The following CCDC201 variants were observed in gnomAD, a reference collection of about 807,000 sequenced individuals.
CCDC201 encodes coiled-coil domain-containing protein 201.
chr7:45,882,112 G>A, the CCDC201 span, among the ~76,000 whole-genome samples: 3 of 152,154 alleles, frequency 2.0e-5, no homozygotes, highest in African/African-American at 7.2e-5. Flanking sequence ...CTGGATTGCA[G>A]CATTTCTTCC....
chr7:45,866,925 A>G (rs1381905745), intron 1 of CCDC201, among the ~76,000 whole-genome samples: 1 of 152,214 alleles, frequency 6.6e-6, no homozygotes, highest in Admixed American at 6.5e-5. Flanking sequence ...TTTTATGAAC[A>G]GGTGAAGCAC....
At chr7:45,876,064 G>T (rs1354398243), upstream of CCDC201, among the ~76,000 whole-genome samples, 4 of 152,160 alleles carry the variant, frequency 2.6e-5, no homozygotes, top group Non-Finnish European at 5.9e-5. Context: ...CCTTAAAACT[G>T]GGAGAGTATG....
At chr7:45,863,655 C>T (rs986766908) in intron 2 of CCDC201, among the ~76,000 whole-genome samples, 11 of 152,154 alleles carry the variant, frequency 7.2e-5, no homozygotes, top group African/African-American at 2.7e-4. Context: ...GGGTAAACTC[C>T]TGACACTAAA....
At chr7:45,882,281 C>G in the CCDC201 span, among the ~76,000 whole-genome samples, 3 of 152,176 alleles carry the variant, frequency 2.0e-5, no homozygotes, top group African/African-American at 4.8e-5. Context: ...CCCCAGAGGT[C>G]CCAGCCTCTG....
At chr7:45,868,550 G>A (rs1053829345) in intron 1 of CCDC201, among the ~76,000 whole-genome samples, 1 of 152,042 alleles carries the variant, frequency 6.6e-6, no homozygotes, top group African/African-American at 2.4e-5. Context: ...CACAGTCCCT[G>A]GTCTGTGGCT....
chr7:45,872,588 A>G (rs1786754284), intron 1 of CCDC201, among the ~76,000 whole-genome samples: 1 of 152,164 alleles, frequency 6.6e-6, no homozygotes, highest in Non-Finnish European at 1.5e-5. Flanking sequence ...GTCTCAGGAC[A>G]ATGTCTGACC....
At chr7:45,864,841 G>T (rs1786651395) in intron 2 of CCDC201, among the ~76,000 whole-genome samples, 1 of 152,174 alleles carries the variant, frequency 6.6e-6, no homozygotes, top group African/African-American at 2.4e-5. Flanking sequence ...GAATCAATCA[G>T]GATGTCCAAC....
upstream of CCDC201, among the ~76,000 whole-genome samples, chr7:45,874,999 C>A (rs1786784621): frequency 6.6e-6 from 1 of 152,222 alleles, no homozygotes; most frequent in South Asian, 2.1e-4. Flanking sequence ...ATGCAGTGTG[C>A]AAAGCCAGGA....
At chr7:45,874,159 C>T (rs149365841), upstream of CCDC201, among the ~76,000 whole-genome samples, 920 of 152,080 alleles carry the variant, frequency 6.0e-3, 6 homozygotes, top group African/African-American at 0.021. Flanking sequence ...GTGATCTGCC[C>T]GCCTGGCCTC....
chr7:45,864,693 G>A (rs149190587), intron 2 of CCDC201, among the ~76,000 whole-genome samples: 2 of 152,288 alleles, frequency 1.3e-5, no homozygotes, highest in East Asian at 3.9e-4. Flanking sequence ...AAGACAGCAA[G>A]CAAGCCAGGG....
At chr7:45,865,007 A>G (rs1786653412) in intron 2 of CCDC201, among the ~76,000 whole-genome samples, 1 of 152,008 alleles carries the variant, frequency 6.6e-6, no homozygotes, top group African/African-American at 2.4e-5. Context: ...CACCACCAAG[A>G]ACCACAAAAG....
intron 2 of CCDC201, 137 bp downstream of exon 2, chr7:45,865,899 C>G (rs925927457): frequency 6.5e-6 from 1 of 152,686 alleles, no homozygotes. Context: ...CCCAATGCCA[C>G]GCCATGGGAG....
exon 3 of CCDC201, chr7:45,861,836 G>A (rs1786605519): frequency 1.3e-5 from 2 of 152,250 alleles, no homozygotes; most frequent in Non-Finnish European, 2.9e-5. Context: ...GGCTGGAAAT[G>A]TGTGCATTCT....
chr7:45,880,651 C>T, the CCDC201 span, among the ~76,000 whole-genome samples: 1 of 152,260 alleles, frequency 6.6e-6, no homozygotes, highest in East Asian at 1.9e-4. Flanking sequence ...GACTCCCACT[C>T]TTTTTACCTC....
At chr7:45,878,441 C>T in the CCDC201 span, among the ~76,000 whole-genome samples, 1 of 152,244 alleles carries the variant, frequency 6.6e-6, no homozygotes, top group Non-Finnish European at 1.5e-5. Context: ...CAGACATTTC[C>T]ATACATCCTC....
chr7:45,867,120 A>G (rs2116519910), intron 1 of CCDC201, among the ~76,000 whole-genome samples: 1 of 152,362 alleles, frequency 6.6e-6, no homozygotes, highest in South Asian at 2.1e-4. Flanking sequence ...CCCGGCAAGC[A>G]CATTTGTGTT....
intron 1 of CCDC201, among the ~76,000 whole-genome samples, chr7:45,870,769 G>A (rs1583653862): frequency 6.6e-6 from 1 of 152,164 alleles, no homozygotes; most frequent in East Asian, 1.9e-4. Context: ...CGGGGCGGGC[G>A]GGTGGAGGAA....
intron 2 of CCDC201, among the ~76,000 whole-genome samples, chr7:45,863,503 C>T (rs369299681): frequency 2.0e-5 from 3 of 152,248 alleles, no homozygotes; most frequent in Admixed American, 6.5e-5. Context: ...GACGAGCCTG[C>T]GTGGGAACAG....
intron 1 of CCDC201, among the ~76,000 whole-genome samples, chr7:45,869,735 C>A (rs577412513): frequency 6.6e-6 from 1 of 152,334 alleles, no homozygotes; most frequent in African/African-American, 2.4e-5. Flanking sequence ...ATCCCACCAA[C>A]CAGCATCCCG....
Sources: gnomAD v4.1 joint callset for allele counts (sites outside exome capture counted in the v4.1 genomes callset) on GRCh38, gnomAD v4.1.1 for gene constraint, MANE v1.5 for transcripts, NCBI Gene and HGNC (gene_info 2026-07-23, HGNC 2026-07-21) for gene names.